Variants in BPIFA2 observed in about 807,000 individuals in gnomAD.
BPIFA2 encodes the protein BPI fold containing family A member 2.
In BPIFA2, 20 loss-of-function variants were observed where a neutral mutation model predicts 25.7. The observed-to-expected ratio is 0.78, with a 90% CI of 0.55 to 1.13. BPIFA2 has a LOEUF of 1.13. Ranked by LOEUF, BPIFA2 falls within the 50% of genes most tolerant of loss-of-function variation. BPIFA2 has a pLI of 0.00. For missense variants in BPIFA2, 300 were observed against 298.1 expected, an observed-to-expected ratio of 1.01 and a Z score of -0.05; for synonymous variants, 126 against 124.3, an observed-to-expected ratio of 1.01 and a Z score of -0.09.
chr20:33,174,094 C>A lies in BPIFA2; in HGVS notation c.318C>A (p.Asn106Lys), dbSNP rs1414438629. 1 of 1,614,142 alleles carries A rather than the reference C, an allele frequency of 6.2e-7. No homozygotes were observed. Among genetic ancestry groups the A allele is most frequent in the South Asian group, 1.1e-5 (1 of 91,086 alleles). The change falls in exon 4 of 9, where the codon AAC becomes AAA. Residue 106 changes from asparagine (N) to lysine (K), a missense_variant. Coordinates refer to ENST00000354932, the MANE Select transcript of BPIFA2 (RefSeq NM_080574.4). ...TTTCACACAGGTTGAAAATCAGCAA[C>A]TCCCTCATCCTGGATGTCAAAGCTG... ...NTDIFGLKISNSLILDVKAEP... is the reference protein window; with the variant it reads ...NTDIFGLKISKSLILDVKAEP...
At chr20:33,173,426 C>CT (rs1983969770) in intron 3 of BPIFA2, among the ~76,000 whole-genome samples, 1 of 152,222 alleles carries the variant, frequency 6.6e-6, no homozygotes, top group Non-Finnish European at 1.5e-5. Context: ...CCCAGATCCC[C>CT]TTAGGGGAAG....
At chr20:33,174,564 C>A (rs944290427) in intron 4 of BPIFA2, among the ~76,000 whole-genome samples, 2 of 152,136 alleles carry the variant, frequency 1.3e-5, no homozygotes, top group African/African-American at 4.8e-5. Flanking sequence ...AAAATTCATA[C>A]AATAATACAC....
chr20:33,163,544 C>G (rs924422979), upstream of BPIFA2, among the ~76,000 whole-genome samples: 1 of 152,086 alleles, frequency 6.6e-6, no homozygotes, highest in Non-Finnish European at 1.5e-5. Flanking sequence ...GCAGTGCTGC[C>G]GGGCACGGTG....
In BPIFA2 at chr20:33,174,221, G is replaced by A. The variant is rs771878720; in HGVS notation, c.410+35G>A. The A allele has an allele frequency of 9.4e-6, 15 of 1,602,296 alleles. No individual in the cohort carries two copies. In the South Asian group the frequency reaches 1.7e-4, roughly 18 times the overall value. On this transcript the variant is annotated intron_variant, in intron 4 of 8. Transcript: ENST00000354932. ...CACTAGAATCTGAGATTTGGGAAAG[G>A]CAGTGCAACCTGGCCGATGGATGCC...
chr20:33,173,120 G>A, intron 3 of BPIFA2, 44 bp downstream of exon 3: 1 of 1,591,534 alleles, frequency 6.3e-7, no homozygotes, highest in Non-Finnish European at 8.6e-7. Context: ...CTAAGGAAAG[G>A]GAAAACATAT....
upstream of BPIFA2, among the ~76,000 whole-genome samples, chr20:33,167,413 C>T (rs1983757406): frequency 6.6e-6 from 1 of 152,176 alleles, no homozygotes; most frequent in Admixed American, 6.5e-5. Flanking sequence ...TGCTAACTGA[C>T]CTCAGCCTGA....
chr20:33,180,656 G>A lies in BPIFA2; in HGVS notation c.*37+59G>A, dbSNP rs1270791989. 5 of 1,392,916 alleles carry A rather than the reference G, an allele frequency of 3.6e-6. No individual in the cohort carries two copies. The Admixed American group carries it at 8.8e-5, about 25-fold the overall frequency. The allele number at this position is 1,392,916 out of a possible 1,614,324, so 86.3% of individuals were successfully genotyped here. Reference sequence around the variant, plus strand: ...GGGCCTATGGTGAAGTAAAAGTCAAGCGTGGCTTCCCTTATTTTTGTGTTA... The same window carrying A: ...GGGCCTATGGTGAAGTAAAAGTCAAACGTGGCTTCCCTTATTTTTGTGTTA... On this transcript the variant is annotated intron_variant, in intron 8 of 8. Coordinates refer to ENST00000354932, the MANE Select transcript of BPIFA2 (RefSeq NM_080574.4).
At chr20:33,170,584 G>T (rs1983866835) in intron 2 of BPIFA2, among the ~76,000 whole-genome samples, 1 of 152,092 alleles carries the variant, frequency 6.6e-6, no homozygotes, top group South Asian at 2.1e-4. Flanking sequence ...TGTAGCGGTG[G>T]AGTCTCACCA....
chr20:33,179,188 TG>T (rs1217202818), intron 6 of BPIFA2, among the ~76,000 whole-genome samples: 15 of 152,050 alleles, frequency 9.9e-5, no homozygotes, highest in African/African-American at 3.4e-4. Context: ...CCAGCTCTTT[TG>T]AAGGTCAAGG....
intron 2 of BPIFA2, 46 bp downstream of exon 2, chr20:33,169,348 T>C (rs200787270): frequency 1.3e-6 from 2 of 1,588,992 alleles, no homozygotes; most frequent in Admixed American, 1.7e-5. Context: ...ATTAGCCTCC[T>C]AAACACTATG....
upstream of BPIFA2, among the ~76,000 whole-genome samples, chr20:33,164,729 A>G (rs1983676899): frequency 2.0e-5 from 3 of 148,072 alleles, no homozygotes; most frequent in Admixed American, 2.0e-4. Flanking sequence ...ACATCATTTG[A>G]CTCCTGCTGT....
intron 6 of BPIFA2, 61 bp from the exon 7 acceptor site, chr20:33,179,540 GAGA>G: frequency 2.9e-6 from 4 of 1,394,830 alleles, no homozygotes; most frequent in East Asian, 2.3e-5. Context: ...GTTCTCAGCT[GAGA>G]AGAATGATCT....
At chr20:33,168,554 A>G (rs2146450210) in intron 1 of BPIFA2, among the ~76,000 whole-genome samples, 1 of 152,332 alleles carries the variant, frequency 6.6e-6, no homozygotes, top group East Asian at 1.9e-4. Flanking sequence ...TGATTTGTTC[A>G]TACTTATATT....
At chr20:33,179,078 G>A (rs778802617) in intron 6 of BPIFA2, among the ~76,000 whole-genome samples, 12 of 152,068 alleles carry the variant, frequency 7.9e-5, no homozygotes, top group Non-Finnish European at 1.6e-4. Context: ...AAGGTGTTAG[G>A]ATTCTAACAC....
intron 2 of BPIFA2, among the ~76,000 whole-genome samples, chr20:33,169,625 C>T (rs1983835563): frequency 1.3e-5 from 2 of 152,168 alleles, no homozygotes. Flanking sequence ...CCTTTTTTCC[C>T]ACTCCTTTTC....
chr20:33,175,504 G>A lies in BPIFA2; in HGVS notation c.508G>A (p.Val170Ile), dbSNP rs760718501. ...TDPQTHQPVA[V>I]LGECASDPTS... ...TCCCCAGACACACCAGCCTGTTGCCGTCCTGGGAGAATGCGCCAGTGACCC... is the reference window on the plus strand; with the variant it reads ...TCCCCAGACACACCAGCCTGTTGCCATCCTGGGAGAATGCGCCAGTGACCC... The change falls in exon 5 of 9, where the codon GTC becomes ATC. Residue 170 changes from valine to isoleucine, a missense_variant. Coordinates refer to ENST00000354932, the MANE Select transcript of BPIFA2 (RefSeq NM_080574.4). 72 of 1,613,996 alleles carry A rather than the reference G, an allele frequency of 4.5e-5. No homozygotes were observed. Among genetic ancestry groups the A allele is most frequent in the Middle Eastern group, 1.6e-4 (1 of 6,084 alleles).
intron 5 of BPIFA2, among the ~76,000 whole-genome samples, chr20:33,176,515 G>T (rs1984082387): frequency 6.6e-6 from 1 of 152,246 alleles, no homozygotes. Context: ...GAAAACCAAA[G>T]AAAGTTTCCA....
upstream of BPIFA2, among the ~76,000 whole-genome samples, chr20:33,164,888 C>T (rs896986088): frequency 1.3e-5 from 2 of 152,228 alleles, no homozygotes; most frequent in Admixed American, 1.3e-4. Context: ...AGGGAACATT[C>T]CATGGGACAG....
At chr20:33,172,040 A>G (rs1983913314) in intron 2 of BPIFA2, among the ~76,000 whole-genome samples, 1 of 152,208 alleles carries the variant, frequency 6.6e-6, no homozygotes, top group Admixed American at 6.5e-5. Flanking sequence ...CATATACACC[A>G]TGGAATACTA....
Sources: allele counts gnomAD v4.1 joint callset (sites outside exome capture counted in the v4.1 genomes callset), GRCh38; gene constraint gnomAD v4.1.1; transcripts MANE v1.5; gene names NCBI Gene and HGNC (gene_info 2026-07-23, HGNC 2026-07-21).